Variants in CSNK1G1 observed in about 807,000 individuals in gnomAD.
CSNK1G1 encodes the protein casein kinase I isoform gamma-1.
Under a neutral mutation model 59.6 loss-of-function variants are expected in CSNK1G1, and 22 were observed. The ratio of observed to expected loss-of-function variants is 0.37; its 90% CI spans 0.26 to 0.53. The LOEUF is 0.53. CSNK1G1 is among the 20% of genes least tolerant of loss of function. The pLI is 0.89. For synonymous variants in CSNK1G1, 179 were observed against 177.1 expected (o/e 1.01, Z -0.08); for missense variants, 384 against 519.5 (o/e 0.74, Z 2.54).
At chr15:64,347,035 T>C (rs1426713277) in intron 1 of CSNK1G1, among the ~76,000 whole-genome samples, 1 of 152,056 alleles carries the variant, frequency 6.6e-6, no homozygotes, top group African/African-American at 2.4e-5. Context: ...GGTATAGAAA[T>C]GTCAAACATA....
rs1221217389 is a variant in CSNK1G1 at position 64,214,884 on chromosome 15, C to T, written c.445-760G>A. Among the ~76,000 whole-genome samples, 1 of 151,772 alleles carries T rather than the reference C, an allele frequency of 6.6e-6. No individual in the cohort carries two copies. Among genetic ancestry groups the T allele is most frequent in the African/African-American group, 2.4e-5 (1 of 41,306 alleles). ...AAACTCCTGACCTTGGGTGATCCGT[C>T]CTCCTCGGCCTCCCAAAATGCTAGG... On this transcript the variant is annotated intron_variant, in intron 5 of 11. Coordinates refer to ENST00000303052, the MANE Select transcript of CSNK1G1 (RefSeq NM_022048.5). This position sits in a 1 kb window ranked among gnomAD's most constrained non-coding sequence, Gnocchi z 4.3.
At chr15:64,327,224 C>T (rs1161756102) in intron 1 of CSNK1G1, among the ~76,000 whole-genome samples, 1 of 152,186 alleles carries the variant, frequency 6.6e-6, no homozygotes, top group Non-Finnish European at 1.5e-5. Flanking sequence ...GGGGGCACGG[C>T]ACAGACAAAC....
At chr15:64,247,152 A>C (rs1381049961) in intron 4 of CSNK1G1, among the ~76,000 whole-genome samples, 3 of 152,210 alleles carry the variant, frequency 2.0e-5, no homozygotes, top group Non-Finnish European at 4.4e-5. Context: ...TGCTGGAAAA[A>C]AGATTTATGG....
chr15:64,204,229 A>G (rs923897395), intron 9 of CSNK1G1, among the ~76,000 whole-genome samples: 5 of 151,934 alleles, frequency 3.3e-5, no homozygotes, highest in Non-Finnish European at 7.4e-5. Context: ...TTATCTTCCT[A>G]TATTACTAGG....
chr15:64,204,622 T>C (rs1432380268), intron 8 of CSNK1G1, 33 bp from the exon 9 acceptor site: 23 of 1,604,996 alleles, frequency 1.4e-5, no homozygotes, highest in Non-Finnish European at 1.9e-5. Context: ...CCCTGCTCAT[T>C]AGCTGAATGC....
In CSNK1G1 at chr15:64,166,213, T is replaced by C. The variant is rs2081601402; in HGVS notation, c.*5718A>G. On this transcript the variant is annotated 3_prime_UTR_variant, in exon 12 of 12. Transcript: ENST00000303052. The surrounding 1 kb of genome is among the most constrained non-coding windows in gnomAD (Gnocchi z 4.5). Reference sequence around the variant, plus strand: ...ATCGCAATCAACATCCCAACATCTTTTTAAGAGTACAATGGGCAAAGATCA... The same window carrying C: ...ATCGCAATCAACATCCCAACATCTTCTTAAGAGTACAATGGGCAAAGATCA... 2.2e-6 allele frequency: 1 copy of C among 447,188 alleles called. No individual in the cohort carries two copies. Among genetic ancestry groups the C allele is most frequent in the Non-Finnish European group, 3.9e-6 (1 of 254,172 alleles). The allele number at this position is 447,188 out of a possible 1,614,324, so 27.7% of individuals were successfully genotyped here.
chr15:64,256,985 A>G (rs1892411449), intron 3 of CSNK1G1, among the ~76,000 whole-genome samples: 1 of 152,062 alleles, frequency 6.6e-6, no homozygotes, highest in South Asian at 2.1e-4. Context: ...AGGCAAATTG[A>G]CCATTACAAT....
At position 64,207,473 on chromosome 15, in the gene CSNK1G1, G is replaced by T. The variant is rs371564820; in HGVS notation, c.765+36C>A. On this transcript the variant is annotated intron_variant, in intron 7 of 11. Coordinates refer to ENST00000303052, the MANE Select transcript of CSNK1G1 (RefSeq NM_022048.5). ...GCTCCTTCATTAACAACTGAGCATT[G>T]AAACAAAGCCCTCCACTGAACACTT... 1.9e-5 allele frequency: 28 copies of T among 1,473,618 alleles called. No individual in the cohort carries two copies. In the African/African-American group the frequency reaches 3.6e-4, roughly 19 times the overall value. The allele number at this position is 1,473,618 out of a possible 1,614,324, so 91.3% of individuals were successfully genotyped here.
At chr15:64,186,646 A>G (rs1170744816) in intron 10 of CSNK1G1, among the ~76,000 whole-genome samples, 1 of 151,870 alleles carries the variant, frequency 6.6e-6, no homozygotes, top group Non-Finnish European at 1.5e-5. Context: ...GGCAGCCAGG[A>G]CTATAGGCAC....
intron 2 of CSNK1G1, among the ~76,000 whole-genome samples, chr15:64,297,278 A>AAGT (rs1378795144): frequency 1.3e-5 from 2 of 152,108 alleles, no homozygotes; most frequent in African/African-American, 4.8e-5. Flanking sequence ...AATGAGGAAC[A>AAGT]AGTGATAGAA....
At chr15:64,354,358 T>C (rs1166974202) in intron 1 of CSNK1G1, among the ~76,000 whole-genome samples, 1 of 152,156 alleles carries the variant, frequency 6.6e-6, no homozygotes, top group Non-Finnish European at 1.5e-5. Flanking sequence ...ACACCCCAAT[T>C]TTAATTCTCT....
intron 4 of CSNK1G1, among the ~76,000 whole-genome samples, chr15:64,247,618 C>G (rs1336068468): frequency 6.6e-6 from 1 of 152,136 alleles, no homozygotes; most frequent in Non-Finnish European, 1.5e-5. Context: ...ATGTGGAAGA[C>G]CTCCAACCAG....
chr15:64,204,122 AAAAC>A (rs560611963), intron 9 of CSNK1G1, among the ~76,000 whole-genome samples: 7 of 151,898 alleles, frequency 4.6e-5, no homozygotes, highest in South Asian at 2.1e-4. Context: ...CCAGCCTGGG[AAAAC>A]AAACAAACAA....
At chr15:64,285,499 T>G (rs559788975) in intron 2 of CSNK1G1, among the ~76,000 whole-genome samples, 1 of 152,290 alleles carries the variant, frequency 6.6e-6, no homozygotes, top group African/African-American at 2.4e-5. Flanking sequence ...GCTGAAGTAC[T>G]TTATAAAATA....
chr15:64,258,992 G>T (rs1465216156), intron 3 of CSNK1G1, among the ~76,000 whole-genome samples: 1 of 151,844 alleles, frequency 6.6e-6, no homozygotes, highest in Non-Finnish European at 1.5e-5. Flanking sequence ...TAACACTAAA[G>T]TTAGTATCAT....
At chr15:64,321,843 G>A (rs1181566433) in intron 1 of CSNK1G1, among the ~76,000 whole-genome samples, 3 of 152,184 alleles carry the variant, frequency 2.0e-5, no homozygotes, top group Non-Finnish European at 4.4e-5. Context: ...GGAGAAGAAT[G>A]GAGGGAGTTA....
rs551979975 is a variant in CSNK1G1 at position 64,273,670 on chromosome 15, C to A, written c.182-14429G>T. On this transcript the variant is annotated intron_variant, in intron 2 of 11. Transcript: ENST00000303052. ...AACCTTTTGGCTTCTCTGGGCCACA[C>A]TGGAAGAATTGTCTTGGGCCACACA... Among the ~76,000 whole-genome samples the A allele has an allele frequency of 4.0e-5, 6 of 150,212 alleles. No homozygotes were observed. The East Asian group carries it at 9.8e-4, about 24-fold the overall frequency.
intron 1 of CSNK1G1, among the ~76,000 whole-genome samples, chr15:64,332,832 T>C (rs1347472961): frequency 6.6e-6 from 1 of 152,112 alleles, no homozygotes; most frequent in Non-Finnish European, 1.5e-5. Context: ...TAAAATTTTT[T>C]AAAAGAATTT....
At chr15:64,182,064 T>TTG in intron 10 of CSNK1G1, among the ~76,000 whole-genome samples, 1 of 137,292 alleles carries the variant, frequency 7.3e-6, no homozygotes, top group Non-Finnish European at 1.6e-5. Flanking sequence ...TTTTTTTTTT[T>TTG]TTTTTTTTTT....
Sources: allele counts gnomAD v4.1 joint callset (sites outside exome capture counted in the v4.1 genomes callset), GRCh38; gene constraint gnomAD v4.1.1; non-coding constraint Gnocchi (gnomAD v3.1); transcripts MANE v1.5; gene names NCBI Gene and HGNC (gene_info 2026-07-23, HGNC 2026-07-21).